Variants in ELAVL2 observed in about 807,000 individuals in gnomAD.
ELAVL2 encodes ELAV like RNA binding protein 2, also known as ELAV-like protein 2.
ELAVL2 carries 4 observed loss-of-function variants against 34.6 expected under a neutral mutation model. The ratio of observed to expected loss-of-function variants is 0.12; its 90% CI spans 0.06 to 0.26. The LOEUF is 0.26. ELAVL2 is among the 10% of genes least tolerant of loss of function. ELAVL2 has a pLI of 1.00. For missense variants in ELAVL2, 432 were observed against 442.8 expected (o/e 0.98, Z 0.22); for synonymous variants, 193 against 154.8 (o/e 1.25, Z -1.83).
the ELAVL2 span, among the ~76,000 whole-genome samples, chr9:23,849,221 T>C: frequency 1.3e-5 from 2 of 152,186 alleles, no homozygotes; most frequent in African/African-American, 4.8e-5. Flanking sequence ...GACTCTTAAA[T>C]GAATGAATCT....
intron 1 of ELAVL2, among the ~76,000 whole-genome samples, chr9:23,807,609 G>A (rs1025308469): frequency 1.3e-5 from 2 of 152,038 alleles, no homozygotes; most frequent in African/African-American, 4.8e-5. Context: ...AATGAATACT[G>A]GAAGGAACAC....
chr9:23,779,421 A>C (rs1291551974), intron 1 of ELAVL2: 2 of 985,210 alleles, frequency 2.0e-6, no homozygotes, highest in African/African-American at 3.5e-5. Flanking sequence ...GCAATGGAAG[A>C]TCTGGGAGGT....
At chr9:23,696,363 C>T (rs1038996010) in intron 5 of ELAVL2, among the ~76,000 whole-genome samples, 2 of 152,196 alleles carry the variant, frequency 1.3e-5, no homozygotes, top group Admixed American at 6.5e-5. Context: ...GTAACACAGG[C>T]AGTTGTAAGA....
intron 1 of ELAVL2, among the ~76,000 whole-genome samples, chr9:23,784,771 T>A (rs575319011): frequency 8.2e-4 from 125 of 152,334 alleles, no homozygotes; most frequent in Non-Finnish European, 1.4e-3. Context: ...TACATCACAC[T>A]GCCAATTAAC....
intron 1 of ELAVL2, among the ~76,000 whole-genome samples, chr9:23,794,003 T>C (rs1440688642): frequency 6.6e-6 from 1 of 152,210 alleles, no homozygotes; most frequent in East Asian, 1.9e-4. Flanking sequence ...ACTCCACCTG[T>C]ATGTGGTCAT....
Position 23,697,585 on chromosome 9 carries a change from G to A in ELAVL2, c.713+3794C>T, listed in dbSNP as rs147941130. 9.3e-3 allele frequency among the ~76,000 whole-genome samples: 1,416 copies of A among 152,198 alleles called. 32 individuals are homozygous for A. The highest frequency in any genetic ancestry group is 0.033 in the African/African-American group (1,353 of 41,516). ...AAAAAGGCACATAGGAGAGAGATGTGTATAAACATTTTTCTATCAACAGGA... is the reference window on the plus strand; with the variant it reads ...AAAAAGGCACATAGGAGAGAGATGTATATAAACATTTTTCTATCAACAGGA... On this transcript the variant is annotated intron_variant, in intron 5 of 6. Coordinates refer to ENST00000397312, the MANE Select transcript of ELAVL2 (RefSeq NM_004432.5).
intron 3 of ELAVL2, among the ~76,000 whole-genome samples, chr9:23,724,424 C>T (rs1437785815): frequency 2.0e-5 from 3 of 151,538 alleles, no homozygotes; most frequent in African/African-American, 7.3e-5. Context: ...AGAAGTAACA[C>T]AAGAGGCCTG....
chr9:23,806,732 T>C (rs537069125), intron 1 of ELAVL2, among the ~76,000 whole-genome samples: 8 of 152,310 alleles, frequency 5.3e-5, no homozygotes, highest in African/African-American at 1.9e-4. Flanking sequence ...ACATTTAAGT[T>C]GTGCCCTGAA....
chr9:23,774,282 T>C (rs2057849557), intron 1 of ELAVL2, among the ~76,000 whole-genome samples: 1 of 151,010 alleles, frequency 6.6e-6, no homozygotes. Context: ...TCTTTTGGAT[T>C]AAGCCTGTCA....
chr9:23,799,734 A>G (rs1053758476), intron 1 of ELAVL2, among the ~76,000 whole-genome samples: 1 of 152,206 alleles, frequency 6.6e-6, no homozygotes, highest in African/African-American at 2.4e-5. Flanking sequence ...TTCCTGCTAG[A>G]CTAAGCTTCT....
intron 5 of ELAVL2, among the ~76,000 whole-genome samples, chr9:23,696,023 A>G (rs1440933147): frequency 1.3e-5 from 2 of 152,106 alleles, no homozygotes; most frequent in Non-Finnish European, 2.9e-5. Context: ...TTTTTACCCT[A>G]TCTGTGAAGT....
chr9:23,840,729 T>A, the ELAVL2 span, among the ~76,000 whole-genome samples: 1 of 152,186 alleles, frequency 6.6e-6, no homozygotes, highest in Non-Finnish European at 1.5e-5. Flanking sequence ...GTCATTCCAC[T>A]GGCATAGATA....
intron 1 of ELAVL2, among the ~76,000 whole-genome samples, chr9:23,792,645 T>A (rs975000946): frequency 1.3e-5 from 2 of 152,246 alleles, no homozygotes; most frequent in South Asian, 4.1e-4. Context: ...AGGGCCTTTT[T>A]AACTTTCTAA....
upstream of ELAVL2, among the ~76,000 whole-genome samples, chr9:23,829,437 CG>C (rs2065429688): frequency 6.6e-6 from 1 of 152,032 alleles, no homozygotes; most frequent in Non-Finnish European, 1.5e-5. Context: ...CTACTTGTAA[CG>C]TTTTGTAAGT....
intron 2 of ELAVL2, among the ~76,000 whole-genome samples, chr9:23,752,050 A>G (rs1217648667): frequency 6.6e-6 from 1 of 152,202 alleles, no homozygotes; most frequent in East Asian, 1.9e-4. Flanking sequence ...CAAGAAATCT[A>G]GGACAACAGA....
intron 3 of ELAVL2, among the ~76,000 whole-genome samples, chr9:23,721,970 T>C (rs1240353120): frequency 1.3e-5 from 2 of 152,212 alleles, no homozygotes; most frequent in Admixed American, 1.3e-4. Flanking sequence ...CTTTTTGCTA[T>C]ATGGGGGCTG....
At chr9:23,712,411 A>C (rs887056347) in intron 3 of ELAVL2, among the ~76,000 whole-genome samples, 48 of 152,184 alleles carry the variant, frequency 3.2e-4, no homozygotes, top group African/African-American at 1.2e-3. Context: ...TGCTACATAG[A>C]ATATTTTCTT....
chr9:23,850,517 G>A, the ELAVL2 span, among the ~76,000 whole-genome samples: 1 of 152,152 alleles, frequency 6.6e-6, no homozygotes, highest in Non-Finnish European at 1.5e-5. Flanking sequence ...AATAGCCCCG[G>A]CTGGGTGCAC....
At chr9:23,768,107 C>CT (rs978724252) in intron 1 of ELAVL2, among the ~76,000 whole-genome samples, 2 of 152,186 alleles carry the variant, frequency 1.3e-5, no homozygotes, top group Admixed American at 6.5e-5. Flanking sequence ...GGTAGACTTT[C>CT]TAAACCCTCC....
Sources: allele counts gnomAD v4.1 joint callset (sites outside exome capture counted in the v4.1 genomes callset), GRCh38; gene constraint gnomAD v4.1.1; transcripts MANE v1.5; gene names NCBI Gene and HGNC (gene_info 2026-07-23, HGNC 2026-07-21).